UGT1A9: variants seen among roughly 807,000 people sequenced by gnomAD.
UGT1A9 encodes the protein UDP glucuronosyltransferase family 1 member A9.
A neutral mutation model predicts 45.0 loss-of-function variants in UGT1A9; 35 were observed. The observed-to-expected ratio is 0.78, with a 90% CI of 0.59 to 1.03. UGT1A9 has a LOEUF of 1.03. Among genes scored for constraint, UGT1A9 ranks in the 50% least tolerant of loss-of-function variants. The pLI, the probability that UGT1A9 is intolerant of heterozygous loss-of-function variation, is 0.00. For missense variants in UGT1A9, 687 were observed against 666.6 expected, an observed-to-expected ratio of 1.03 and a Z score of -0.34; for synonymous variants, 278 against 250.6, an observed-to-expected ratio of 1.11 and a Z score of -1.03.
chr2:233,672,473 G>T lies in UGT1A9; in HGVS notation c.539G>T (p.Gly180Val), dbSNP rs1054001269. 6.2e-7 allele frequency: 1 copy of T among 1,613,924 alleles called. No homozygotes were observed. The highest frequency in any genetic ancestry group is 2.2e-5 in the East Asian group (1 of 44,884). ...RGILCHYLEE[G>V]AQCPAPLSYV... is the part of the protein sequence containing the mutation. ...ATACTTTGCCACTATCTTGAAGAAG[G>T]TGCACAGTGCCCTGCTCCTCTTTCC... The change falls in exon 1 of 5, where the codon GGT becomes GTT. Residue 180 changes from glycine to valine, a missense_variant. Transcript: ENST00000354728.
chr2:233,747,006 G>A (rs563411016), intron 1 of UGT1A9, among the ~76,000 whole-genome samples: 4 of 151,972 alleles, frequency 2.6e-5, no homozygotes, highest in Admixed American at 2.0e-4. Flanking sequence ...TTTTCAAGTA[G>A]GAGTGATCGG....
chr2:233,729,753 A>C (rs1211638875), intron 1 of UGT1A9: 1 of 1,613,964 alleles, frequency 6.2e-7, no homozygotes, highest in Non-Finnish European at 8.5e-7. Flanking sequence ...CATTCATGCA[A>C]AGGGTCAAGA....
rs777601918 is a variant in UGT1A9, at chr2:233,713,151, A to G, written c.855+40362A>G. ...GGAGGCCTTGCGGGACCTCCATGCGAGAGGCCACCAGGTGGTGGTCCTCAC... is the reference window on the plus strand; with the variant it reads ...GGAGGCCTTGCGGGACCTCCATGCGGGAGGCCACCAGGTGGTGGTCCTCAC... On this transcript the variant is annotated intron_variant, in intron 1 of 4. Coordinates refer to ENST00000354728, the MANE Select transcript of UGT1A9 (RefSeq NM_021027.3). 26 of 1,614,124 alleles carry G rather than the reference A, an allele frequency of 1.6e-5. No individual in the cohort carries two copies. Among genetic ancestry groups the G allele is most frequent in the Non-Finnish European group, 2.2e-5 (26 of 1,180,052 alleles).
chr2:233,768,469 G>A (rs1403858659), intron 4 of UGT1A9, 30 bp downstream of exon 4: 1 of 1,603,172 alleles, frequency 6.2e-7, no homozygotes, highest in African/African-American at 1.3e-5. Flanking sequence ...AGAATACTTT[G>A]GTCATGGCAT....
At position 233,767,929 on chromosome 2, in the gene UGT1A9, T is replaced by A; in HGVS notation, c.1068T>A (p.Asp356Glu). 1 of 1,614,196 alleles carries A rather than the reference T, an allele frequency of 6.2e-7. No individual in the cohort carries two copies. Among genetic ancestry groups the A allele is most frequent in the South Asian group, 1.1e-5 (1 of 91,080 alleles). The change falls in exon 3 of 5, where the codon GAT becomes GAA. Residue 356 changes from aspartate to glutamate, a missense_variant. By Grantham distance (45) the Asp-to-Glu change is conservative. Coordinates refer to ENST00000354728, the MANE Select transcript of UGT1A9 (RefSeq NM_021027.3). ...TTGTTAAGTGGCTACCCCAAAACGA[T>A]CTGCTTGGTATGTTGGGCGGATTGG... ...TILVKWLPQN[D>E]LLGHPMTRAF...
chr2:233,705,516 G>T (rs769825689), intron 1 of UGT1A9, among the ~76,000 whole-genome samples: 10 of 152,152 alleles, frequency 6.6e-5, no homozygotes, highest in Non-Finnish European at 1.5e-4. Flanking sequence ...AATCAGGGTG[G>T]GGAGATTACC....
At chr2:233,701,099 T>C (rs2075610283) in intron 1 of UGT1A9, among the ~76,000 whole-genome samples, 2 of 152,224 alleles carry the variant, frequency 1.3e-5, no homozygotes, top group South Asian at 4.1e-4. Flanking sequence ...TGTGCCACAT[T>C]TTCTTAATCC....
chr2:233,725,264 G>GGCAGAGGCAGAGGCA (rs1216362118), intron 1 of UGT1A9, among the ~76,000 whole-genome samples: 1 of 58,548 alleles, frequency 1.7e-5, no homozygotes, highest in African/African-American at 1.3e-4. Flanking sequence ...CAGAGGCAGA[G>GGCAGAGGCAGAGGCA]GAGGCAGAGG....
At chr2:233,736,503 C>T (rs924355972) in intron 1 of UGT1A9, among the ~76,000 whole-genome samples, 2 of 152,196 alleles carry the variant, frequency 1.3e-5, no homozygotes, top group African/African-American at 2.4e-5. Context: ...CTTCTGAAGC[C>T]TACTTCTGTC....
chr2:233,761,546 G>A (rs1697796734), intron 1 of UGT1A9, among the ~76,000 whole-genome samples: 1 of 152,224 alleles, frequency 6.6e-6, no homozygotes, highest in Admixed American at 6.5e-5. Flanking sequence ...ATTCTTTGAT[G>A]ATGATAGATC....
In UGT1A9 at chr2:233,743,890, G is replaced by A. The variant is rs376911193; in HGVS notation, c.856-23144G>A. On this transcript the variant is annotated intron_variant, in intron 1 of 4. Transcript: ENST00000354728. ...CCTCGGATGAGGCCTGCCGGGGCAC[G>A]TCCAGCACCTCGTAGTAGTCCACCA... 9.6e-5 allele frequency: 131 copies of A among 1,366,674 alleles called. 1 individual carries two copies. The highest frequency in any genetic ancestry group is 6.3e-4 in the Middle Eastern group (3 of 4,786). The allele number at this position is 1,366,674 out of a possible 1,614,324, so 84.7% of individuals were successfully genotyped here. A position where few individuals can be genotyped will look rare whatever the true frequency, so the allele number is the denominator to read the frequency against.
chr2:233,693,047 G>T (rs2075129391), intron 1 of UGT1A9: 2 of 1,614,146 alleles, frequency 1.2e-6, no homozygotes, highest in Non-Finnish European at 1.7e-6. Flanking sequence ...TTCTGCAGGG[G>T]TTTTCTTCTT....
At chr2:233,754,997 G>A in intron 1 of UGT1A9, 1 of 1,294,706 alleles carries the variant, frequency 7.7e-7, no homozygotes. Context: ...CACGGAAGCT[G>A]AAGACCTACT....
At chr2:233,730,362 G>A (rs1205514330) in intron 1 of UGT1A9, among the ~76,000 whole-genome samples, 3 of 152,178 alleles carry the variant, frequency 2.0e-5, no homozygotes, top group Non-Finnish European at 4.4e-5. Context: ...TTTTTTGCTA[G>A]CATGATTTTC....
rs371827044 is a variant in UGT1A9, at chr2:233,728,641, A to G, written c.856-38393A>G. 1.3e-4 allele frequency among the ~76,000 whole-genome samples: 20 copies of G among 152,302 alleles called. No homozygotes were observed. The East Asian group carries it at 3.3e-3, about 25-fold the overall frequency. On this transcript the variant is annotated intron_variant, in intron 1 of 4. Transcript: ENST00000354728. ...GAGAAAGCTGGCTTAGCAATGTTGT[A>G]TGGTTTTTGGATGCGCTGCGTTACT...
rs529258547 is a variant in UGT1A9, at chr2:233,673,420, T to C, written c.855+631T>C. Among the ~76,000 whole-genome samples the C allele has an allele frequency of 3.3e-5, 5 of 152,310 alleles. No homozygotes were observed. In the East Asian group the frequency reaches 7.7e-4, roughly 23 times the overall value. On this transcript the variant is annotated intron_variant, in intron 1 of 4. Coordinates refer to ENST00000354728, the MANE Select transcript of UGT1A9 (RefSeq NM_021027.3). ...AGGCATTTTGCATTTTTTGTCTTTATGAATAGGGCCGTGTAAACACTCTTT... is the reference window on the plus strand; with the variant it reads ...AGGCATTTTGCATTTTTTGTCTTTACGAATAGGGCCGTGTAAACACTCTTT...
At chr2:233,717,540 G>T (rs1338112101) in intron 1 of UGT1A9, among the ~76,000 whole-genome samples, 1 of 152,252 alleles carries the variant, frequency 6.6e-6, no homozygotes, top group African/African-American at 2.4e-5. Context: ...GGAAGCCTCA[G>T]CCTCACCAGC....
chr2:233,760,681 CACA>C (rs1697528171), intron 1 of UGT1A9: 4 of 1,614,246 alleles, frequency 2.5e-6, no homozygotes, highest in East Asian at 2.2e-5. Context: ...CCACTTACTG[CACA>C]ACAAGGAGCT....
At chr2:233,719,573 T>C (rs2076782711) in intron 1 of UGT1A9, 3 of 1,613,994 alleles carry the variant, frequency 1.9e-6, no homozygotes, top group Non-Finnish European at 2.5e-6. Context: ...TTGTCAGCTA[T>C]GCATCCGTGT....
Sources: gnomAD v4.1 joint callset for allele counts (sites outside exome capture counted in the v4.1 genomes callset) on GRCh38, gnomAD v4.1.1 for gene constraint, MANE v1.5 for transcripts, NCBI Gene and HGNC (gene_info 2026-07-23, HGNC 2026-07-21) for gene names.